The following MEIS2 variants were observed in gnomAD, a reference collection of about 807,000 sequenced individuals.
MEIS2 encodes the protein homeobox protein Meis2.
A neutral mutation model predicts 58.6 loss-of-function variants in MEIS2; 9 were observed. That is an observed-to-expected ratio of 0.15 (90% CI 0.09 to 0.27). MEIS2 has a LOEUF of 0.27. MEIS2 is among the 10% of genes least tolerant of loss of function. The pLI, the probability that MEIS2 is intolerant of heterozygous loss-of-function variation, is 1.00. For missense variants in MEIS2, 427 were observed against 635.0 expected (o/e 0.67, Z 3.52); for synonymous variants, 221 against 228.4 (o/e 0.97, Z 0.29).
intron 9 of MEIS2, among the ~76,000 whole-genome samples, chr15:36,941,235 C>T (rs148775795): frequency 1.0e-3 from 155 of 152,242 alleles, no homozygotes; most frequent in African/African-American, 3.6e-3. Flanking sequence ...CCTAACTAAC[C>T]CAGCCTCAGG....
At chr15:37,026,170 T>A (rs952189986) in intron 8 of MEIS2, among the ~76,000 whole-genome samples, 5 of 152,164 alleles carry the variant, frequency 3.3e-5, no homozygotes, top group Non-Finnish European at 7.4e-5. Flanking sequence ...AAAAATAAGG[T>A]TGCTTTTAAA....
At chr15:36,961,824 T>A (rs139886709) in intron 8 of MEIS2, among the ~76,000 whole-genome samples, 58 of 152,312 alleles carry the variant, frequency 3.8e-4, no homozygotes, top group African/African-American at 1.2e-3. Flanking sequence ...CCAGCCATAT[T>A]TTTTTAATCC....
intron 2 of MEIS2, among the ~76,000 whole-genome samples, chr15:37,096,973 C>T (rs960358083): frequency 2.0e-5 from 3 of 152,336 alleles, no homozygotes. Context: ...TCTCCACCTC[C>T]TTGCCTTATA....
At chr15:36,960,349 T>C (rs888530625) in intron 8 of MEIS2, among the ~76,000 whole-genome samples, 1 of 152,072 alleles carries the variant, frequency 6.6e-6, no homozygotes, top group Non-Finnish European at 1.5e-5. Context: ...AGAATGGGGT[T>C]AATGATAAGT....
At chr15:37,052,369 G>C (rs1171851840) in intron 7 of MEIS2, among the ~76,000 whole-genome samples, 1 of 152,150 alleles carries the variant, frequency 6.6e-6, no homozygotes, top group East Asian at 1.9e-4. Flanking sequence ...TTTAATATAA[G>C]CAGAAACTGA....
chr15:36,936,192 T>A (rs990912353), intron 9 of MEIS2, among the ~76,000 whole-genome samples: 1 of 149,266 alleles, frequency 6.7e-6, no homozygotes, highest in Non-Finnish European at 1.5e-5. Context: ...AGGTGCATTT[T>A]CTTTCTTTTT....
chr15:36,981,970 C>A (rs2059940439), intron 8 of MEIS2, among the ~76,000 whole-genome samples: 1 of 152,086 alleles, frequency 6.6e-6, no homozygotes, highest in Non-Finnish European at 1.5e-5. Context: ...AGTTCTCAGG[C>A]CTTACATGTT....
At chr15:36,963,670 C>T (rs1386767600) in intron 8 of MEIS2, among the ~76,000 whole-genome samples, 1 of 152,172 alleles carries the variant, frequency 6.6e-6, no homozygotes, top group Non-Finnish European at 1.5e-5. Flanking sequence ...ATGAATAAAC[C>T]TATCTTCATT....
chr15:37,001,917 A>C (rs1461020615), intron 8 of MEIS2, among the ~76,000 whole-genome samples: 1 of 152,220 alleles, frequency 6.6e-6, no homozygotes, highest in African/African-American at 2.4e-5. Flanking sequence ...CAAACCGTAC[A>C]TCATCCGTAC....
chr15:36,902,453 ACT>A (rs2056526900), intron 9 of MEIS2, among the ~76,000 whole-genome samples: 1 of 152,098 alleles, frequency 6.6e-6, no homozygotes, highest in Non-Finnish European at 1.5e-5. Context: ...TTGGAATCAC[ACT>A]CTCTGTATGG....
At chr15:36,903,799 T>C (rs2056594780) in intron 9 of MEIS2, 2 of 152,180 alleles carry the variant, frequency 1.3e-5, no homozygotes, top group South Asian at 4.1e-4. Flanking sequence ...CTTTTTAGCT[T>C]TCATGATCAC....
chr15:37,098,423 A>AGG lies in MEIS2; in HGVS notation c.13-225_13-224insCC, dbSNP rs1463324931. 8.1e-4 allele frequency: 966 copies of AGG among 1,194,484 alleles called. 1 individual carries two copies. The highest frequency in any genetic ancestry group is 1.8e-3 in the African/African-American group (107 of 59,192). The allele number at this position is 1,194,484 out of a possible 1,614,324, so 74.0% of individuals were successfully genotyped here. ...GAGAGAGAGAGAGAGAGAGAGAGAG[A>AGG]GAAAATAAAAATAAAAACAAAGTCA... On this transcript the variant is annotated intron_variant, in intron 1 of 11. Transcript: ENST00000561208.
chr15:37,041,953 G>A (rs1232492295), intron 7 of MEIS2, among the ~76,000 whole-genome samples: 1 of 152,126 alleles, frequency 6.6e-6, no homozygotes, highest in Non-Finnish European at 1.5e-5. Flanking sequence ...TGTTTGGGAG[G>A]ATTGCTAGAG....
rs1894917545 is a variant in MEIS2, at chr15:37,100,088, CCT to C, written c.-624_-623del. 6.8e-6 allele frequency: 1 copy of C among 146,954 alleles called. No homozygotes were observed. Among genetic ancestry groups the C allele is most frequent in the East Asian group, 2.1e-4 (1 of 4,776 alleles). 9.1% of individuals were successfully genotyped at this position (146,954 alleles called of 1,614,324 possible). A position where few individuals can be genotyped will look rare whatever the true frequency, so the allele number is the denominator to read the frequency against. ...TTGAATTTTTTCCTCCCCCCTCCCC[CCT>C]TTTTTAGCTTTGCCCCCGCGGTATC... On this transcript the variant is annotated 5_prime_UTR_variant, in exon 1 of 12. Transcript: ENST00000561208.
At chr15:37,050,954 A>C (rs2062892279) in intron 7 of MEIS2, 1 of 152,248 alleles carries the variant, frequency 6.6e-6, no homozygotes, top group Non-Finnish European at 1.5e-5. Flanking sequence ...TTATTGGTTG[A>C]GTATGACCTC....
upstream of MEIS2, chr15:37,100,911 C>T (rs1895047993): frequency 6.6e-6 from 1 of 151,580 alleles, no homozygotes; most frequent in African/African-American, 2.4e-5. Context: ...ATTTTCCCAT[C>T]ACTCCCGGCT....
intron 7 of MEIS2, among the ~76,000 whole-genome samples, chr15:37,074,390 A>C (rs1891100102): frequency 6.6e-6 from 1 of 152,050 alleles, no homozygotes; most frequent in Non-Finnish European, 1.5e-5. Flanking sequence ...TAAATCAAAA[A>C]AATTAAAAAG....
intron 9 of MEIS2, among the ~76,000 whole-genome samples, chr15:36,943,150 A>T (rs939662926): frequency 1.6e-4 from 25 of 152,170 alleles, no homozygotes; most frequent in Non-Finnish European, 5.9e-5. Flanking sequence ...GTTATCTTCA[A>T]CTTTTTTCCT....
chr15:37,060,719 C>T (rs1258328621), intron 7 of MEIS2, among the ~76,000 whole-genome samples: 1 of 152,134 alleles, frequency 6.6e-6, no homozygotes, highest in African/African-American at 2.4e-5. Context: ...CGTAATGATT[C>T]TAAGCTCATC....
Sources: gnomAD v4.1 joint callset for allele counts (sites outside exome capture counted in the v4.1 genomes callset) on GRCh38, gnomAD v4.1.1 for gene constraint, MANE v1.5 for transcripts, NCBI Gene and HGNC (gene_info 2026-07-23, HGNC 2026-07-21) for gene names.